KMT2C: variants seen among roughly 807,000 people sequenced by gnomAD.
The protein encoded by KMT2C is histone-lysine N-methyltransferase 2C.
KMT2C carries 88 observed loss-of-function variants against 507.9 expected under a neutral mutation model. That is an observed-to-expected ratio of 0.17 (90% CI 0.15 to 0.21). The LOEUF is 0.21. Among genes scored for constraint, KMT2C ranks in the 10% least tolerant of loss-of-function variants. KMT2C has a pLI of 1.00. For synonymous variants in KMT2C, 2,049 were observed against 2,080.8 expected, an observed-to-expected ratio of 0.98 and a Z score of 0.42; for missense variants, 4,954 against 5,957.8, an observed-to-expected ratio of 0.83 and a Z score of 5.55.
intron 11 of KMT2C, 31 bp from the exon 12 acceptor site, chr7:152,250,997 A>T (rs769122612): frequency 2.9e-5 from 37 of 1,261,384 alleles, no homozygotes; most frequent in Non-Finnish European, 4.2e-5. Flanking sequence ...TCTTTAGCTC[A>T]GAATGAGTTT....
chr7:152,215,160 G>C (rs1344269309), intron 23 of KMT2C, among the ~76,000 whole-genome samples: 4 of 151,872 alleles, frequency 2.6e-5, no homozygotes, highest in African/African-American at 4.8e-5. Context: ...ACCTTTGCAG[G>C]CCCACTTACA....
At chr7:152,418,523 C>CGGATTCCA (rs1305700071) in intron 1 of KMT2C, among the ~76,000 whole-genome samples, 1 of 152,018 alleles carries the variant, frequency 6.6e-6, no homozygotes, top group Non-Finnish European at 1.5e-5. Context: ...CTCCACCTCC[C>CGGATTCCA]GGATTCCAGC....
chr7:152,184,053 C>T (rs1205844998), intron 34 of KMT2C, among the ~76,000 whole-genome samples: 13 of 112,992 alleles, frequency 1.2e-4, no homozygotes, highest in Admixed American at 3.5e-4. Context: ...GCCTGGGCAA[C>T]AACTGTGAAG....
intron 34 of KMT2C, among the ~76,000 whole-genome samples, chr7:152,184,198 A>G (rs1471638028): frequency 6.6e-6 from 1 of 151,794 alleles, no homozygotes; most frequent in Non-Finnish European, 1.5e-5. Context: ...TTCTGTCATT[A>G]CCTAATTCAA....
chr7:152,322,745 A>G (rs145353268), intron 3 of KMT2C, among the ~76,000 whole-genome samples: 1 of 152,144 alleles, frequency 6.6e-6, no homozygotes, highest in Non-Finnish European at 1.5e-5. Context: ...TGAAAATATT[A>G]ACAAAGTAAA....
intron 31 of KMT2C, among the ~76,000 whole-genome samples, chr7:152,188,333 G>A (rs1465121428): frequency 2.0e-5 from 3 of 152,064 alleles, no homozygotes; most frequent in Admixed American, 6.5e-5. Context: ...TTACCTGTTA[G>A]AAGCAGAATC....
chr7:152,320,296 T>C (rs1273193063), intron 3 of KMT2C, among the ~76,000 whole-genome samples: 1 of 152,212 alleles, frequency 6.6e-6, no homozygotes, highest in Non-Finnish European at 1.5e-5. Flanking sequence ...TTGTCCAGGC[T>C]GGAGTGCAAT....
At chr7:152,239,584 A>G (rs2095346710) in intron 14 of KMT2C, among the ~76,000 whole-genome samples, 1 of 152,246 alleles carries the variant, frequency 6.6e-6, no homozygotes, top group Non-Finnish European at 1.5e-5. Flanking sequence ...GTAGTATCTT[A>G]TTAAAATCTA....
chr7:152,429,105 C>T (rs1244586563), intron 1 of KMT2C, among the ~76,000 whole-genome samples: 1 of 152,154 alleles, frequency 6.6e-6, no homozygotes, highest in Non-Finnish European at 1.5e-5. Flanking sequence ...TAAATCCCAC[C>T]AATCCTTCAA....
intron 9 of KMT2C, among the ~76,000 whole-genome samples, chr7:152,253,027 G>C (rs1310809438): frequency 6.6e-6 from 1 of 151,914 alleles, no homozygotes; most frequent in Non-Finnish European, 1.5e-5. Flanking sequence ...GCTAATTTTT[G>C]TGTTTACTAA....
intron 31 of KMT2C, among the ~76,000 whole-genome samples, chr7:152,192,822 A>G (rs995208574): frequency 1.3e-5 from 2 of 152,194 alleles, no homozygotes; most frequent in African/African-American, 4.8e-5. Flanking sequence ...AATTCAGGGT[A>G]TAGTCATGAG....
chr7:152,350,779 C>T (rs2097104433), intron 2 of KMT2C, among the ~76,000 whole-genome samples: 1 of 152,104 alleles, frequency 6.6e-6, no homozygotes, highest in African/African-American at 2.4e-5. Context: ...TATTATTTTT[C>T]TTTGCTCAGT....
chr7:152,245,388 T>C (rs2095454522), intron 14 of KMT2C, among the ~76,000 whole-genome samples: 2 of 152,222 alleles, frequency 1.3e-5, no homozygotes, highest in African/African-American at 4.8e-5. Context: ...AGAACTGATG[T>C]TTTAAGTATA....
intron 43 of KMT2C, 98 bp downstream of exon 43, chr7:152,162,019 T>C: frequency 7.5e-7 from 1 of 1,329,940 alleles, no homozygotes; most frequent in Non-Finnish European, 9.7e-7. Context: ...ATAAAAAGGT[T>C]GTAGAATAAT....
At chr7:152,361,963 C>T (rs905984814) in intron 1 of KMT2C, among the ~76,000 whole-genome samples, 1 of 152,168 alleles carries the variant, frequency 6.6e-6, no homozygotes, top group African/African-American at 2.4e-5. Context: ...GCAAGCATTA[C>T]TAGATTACTC....
chr7:152,225,351 T>C (rs964080879), intron 18 of KMT2C, among the ~76,000 whole-genome samples: 1 of 152,136 alleles, frequency 6.6e-6, no homozygotes. Context: ...ATGAGGTACA[T>C]GAAAGCCTAA....
In KMT2C at chr7:152,356,384, G is replaced by A. The variant is rs1049964980; in HGVS notation, c.250+2203C>T. The stretch of plus-strand genomic sequence containing the variant: ...GAGATCAGGAGTTCGAGGCCAGCCT[G>A]GCAAACACTGGGAGAACCCTGTGTC... On this transcript the variant is annotated intron_variant, in intron 2 of 58. Coordinates refer to ENST00000262189, the MANE Select transcript of KMT2C (RefSeq NM_170606.3). Among the ~76,000 whole-genome samples the A allele has an allele frequency of 4.0e-5, 6 of 151,788 alleles. No individual in the cohort carries two copies. In the South Asian group the frequency reaches 1.0e-3, roughly 26 times the overall value.
chr7:152,288,080 A>G (rs897834086), intron 6 of KMT2C, among the ~76,000 whole-genome samples: 1 of 151,426 alleles, frequency 6.6e-6, no homozygotes, highest in South Asian at 2.1e-4. Context: ...CAAAGGAAAC[A>G]ATACAAAGTT....
At chr7:152,430,004 C>T (rs1311507567) in intron 1 of KMT2C, among the ~76,000 whole-genome samples, 1 of 151,550 alleles carries the variant, frequency 6.6e-6, no homozygotes, top group Non-Finnish European at 1.5e-5. Flanking sequence ...ATGGTGAACA[C>T]CCATCTCTAC....
Sources: allele counts gnomAD v4.1 joint callset (sites outside exome capture counted in the v4.1 genomes callset), GRCh38; gene constraint gnomAD v4.1.1; transcripts MANE v1.5; gene names NCBI Gene and HGNC (gene_info 2026-07-23, HGNC 2026-07-21).